LTBP2: variants seen among roughly 807,000 people sequenced by gnomAD.
LTBP2 encodes latent-transforming growth factor beta-binding protein 2.
Under a neutral mutation model 210.6 loss-of-function variants are expected in LTBP2, and 103 were observed. That is an observed-to-expected ratio of 0.49 (90% CI 0.42 to 0.58). The LOEUF (loss-of-function observed/expected upper bound fraction) is 0.58. Ranked by LOEUF, LTBP2 falls within the 20% of genes least tolerant of loss-of-function variation. The pLI, the probability that LTBP2 is intolerant of heterozygous loss-of-function variation, is 0.00. For synonymous variants in LTBP2, 1,007 were observed against 1,015.0 expected (o/e 0.99, Z 0.15); for missense variants, 2,313 against 2,494.5 (o/e 0.93, Z 1.55).
chr14:74,508,204 G>T, intron 24 of LTBP2, 109 bp from the exon 25 acceptor site: 1 of 1,383,608 alleles, frequency 7.2e-7, no homozygotes. Context: ...TCAGGGAGTG[G>T]CTTATGTAGG....
At chr14:74,563,703 AC>A (rs773836039) in intron 3 of LTBP2, among the ~76,000 whole-genome samples, 2 of 152,012 alleles carry the variant, frequency 1.3e-5, no homozygotes, top group Non-Finnish European at 2.9e-5. Context: ...ATAAAGTTTA[AC>A]TGGAACACAG....
rs2086948611 is a variant in LTBP2 at position 74,503,911 on chromosome 14, CAT to C, written c.4582+13_4582+14del. On this transcript the variant is annotated intron_variant, in intron 31 of 35. Transcript: ENST00000261978. ...GTGGGCCTGGGGTGGGGGCAGGGAT[CAT>C]GTGTGTCCTTACCCTCACACTTCTT... 6.2e-7 allele frequency: 1 copy of C among 1,613,794 alleles called. No individual in the cohort carries two copies. The highest frequency in any genetic ancestry group is 1.3e-5 in the African/African-American group (1 of 74,924).
intron 17 of LTBP2, among the ~76,000 whole-genome samples, chr14:74,519,294 C>T (rs2087173035): frequency 6.6e-6 from 1 of 152,170 alleles, no homozygotes; most frequent in African/African-American, 2.4e-5. Flanking sequence ...AATTTCTAAA[C>T]CCGGCCAAGA....
chr14:74,503,913 T>C lies in LTBP2; in HGVS notation c.4582+13A>G, dbSNP rs751859622. On this transcript the variant is annotated intron_variant, in intron 31 of 35. Transcript: ENST00000261978. ...GGGCCTGGGGTGGGGGCAGGGATCA[T>C]GTGTGTCCTTACCCTCACACTTCTT... is the stretch of plus-strand genomic sequence containing the variant. 13 of 1,613,936 alleles carry C rather than the reference T, an allele frequency of 8.1e-6. No individual in the cohort carries two copies. The South Asian group carries it at 1.2e-4, about 15-fold the overall frequency.
At chr14:74,535,518 C>T (rs2087409606) in intron 9 of LTBP2, among the ~76,000 whole-genome samples, 1 of 152,186 alleles carries the variant, frequency 6.6e-6, no homozygotes, top group Non-Finnish European at 1.5e-5. Flanking sequence ...TGGGAAAAGC[C>T]CACAGAGGCC....
chr14:74,511,153 C>T, intron 19 of LTBP2, 92 bp downstream of exon 19: 3 of 1,597,780 alleles, frequency 1.9e-6, no homozygotes, highest in Non-Finnish European at 2.6e-6. Flanking sequence ...AGCCACCTCC[C>T]TCTGCCCACC....
chr14:74,550,711 C>T (rs2087641021), intron 7 of LTBP2, among the ~76,000 whole-genome samples: 2 of 152,204 alleles, frequency 1.3e-5, no homozygotes, highest in African/African-American at 4.8e-5. Context: ...ATAAAAAACT[C>T]CTGGCCAGAT....
intron 20 of LTBP2, 102 bp from the exon 21 acceptor site, chr14:74,509,961 T>C: frequency 1.2e-6 from 2 of 1,609,350 alleles, no homozygotes. Context: ...TGGGCAGGGA[T>C]GTGTTGGGTC....
At chr14:74,525,969 G>T in intron 14 of LTBP2, 106 bp downstream of exon 14, 2 of 1,168,734 alleles carry the variant, frequency 1.7e-6, no homozygotes, top group Non-Finnish European at 2.5e-6. Context: ...CTCCTCTGAT[G>T]TGTGTGTGAG....
At position 74,611,821 on chromosome 14, in the gene LTBP2, TC is replaced by T; in HGVS notation, c.123del (p.Arg42AspfsTer238). 1 of 1,611,608 alleles carries T rather than the reference TC, an allele frequency of 6.2e-7. No homozygotes were observed. The highest frequency in any genetic ancestry group is 8.5e-7 in the Non-Finnish European group (1 of 1,179,602). ...GAGHAQRDPV[G>X]RYEPAGGDAN... ...GCGTCTCCACCAGCCGGCTCGTATCTCCCTACGGGGTCCCTTTGGGCATGAC... is the reference window on the plus strand; with the variant it reads ...GCGTCTCCACCAGCCGGCTCGTATCTCCTACGGGGTCCCTTTGGGCATGAC... On this transcript the variant is annotated frameshift_variant, in exon 1 of 36. Transcript: ENST00000261978. LOFTEE classifies it high-confidence loss of function.
At chr14:74,526,226 G>A (rs1309440383) in intron 13 of LTBP2, 112 bp from the exon 14 acceptor site, 3 of 1,048,982 alleles carry the variant, frequency 2.9e-6, no homozygotes, top group South Asian at 2.7e-5. Context: ...GCTCATTCAT[G>A]TTTTCATTCA....
At chr14:74,511,469 T>C (rs2139698573) in intron 18 of LTBP2, 105 bp from the exon 19 acceptor site, 1 of 1,416,396 alleles carries the variant, frequency 7.1e-7, no homozygotes, top group Non-Finnish European at 1.0e-6. Context: ...GGGAGAGGGA[T>C]GGACAGAGGG....
chr14:74,522,836 G>A lies in LTBP2; in HGVS notation c.2613C>T (p.Val871=). 1 of 1,612,504 alleles carries A rather than the reference G, an allele frequency of 6.2e-7. No individual in the cohort carries two copies. The highest frequency in any genetic ancestry group is 8.5e-7 in the Non-Finnish European group (1 of 1,179,456). Residue 871 remains valine (V), a synonymous_variant, in exon 16 of 36, where the codon GTC becomes GTT. Coordinates refer to ENST00000261978, the MANE Select transcript of LTBP2 (RefSeq NM_000428.3). The stretch of plus-strand genomic sequence containing the variant: ...GGTGCAGCTGGTAGCCAGGGCTGCA[G>A]ACACATCTGTATCCATCGGGGAGGT... The part of the protein sequence containing the change: ...CVNLPDGYRC[V]CSPGYQLHPS...
chr14:74,538,280 A>C (rs895177133), intron 8 of LTBP2, among the ~76,000 whole-genome samples: 2 of 152,120 alleles, frequency 1.3e-5, no homozygotes, highest in Non-Finnish European at 2.9e-5. Context: ...TCTGTATTTC[A>C]TATAGTCTTC....
At chr14:74,576,211 G>T (rs2139777651) in intron 3 of LTBP2, among the ~76,000 whole-genome samples, 1 of 152,354 alleles carries the variant, frequency 6.6e-6, no homozygotes, top group Non-Finnish European at 1.5e-5. Context: ...CTAGGGGATG[G>T]CCCGAGCATC....
intron 18 of LTBP2, among the ~76,000 whole-genome samples, chr14:74,514,691 C>A (rs552096306): frequency 6.6e-6 from 1 of 152,138 alleles, no homozygotes; most frequent in Non-Finnish European, 1.5e-5. Context: ...AGTCCCGGTA[C>A]GACGGAAATG....
intron 5 of LTBP2, 51 bp downstream of exon 5, chr14:74,552,841 A>G (rs1303467734): frequency 1.3e-6 from 2 of 1,582,100 alleles, no homozygotes; most frequent in South Asian, 1.2e-5. Flanking sequence ...CTCTCTGGCC[A>G]TCTACCCTCC....
chr14:74,594,325 G>A (rs2139797338), intron 2 of LTBP2, among the ~76,000 whole-genome samples: 1 of 152,256 alleles, frequency 6.6e-6, no homozygotes, highest in South Asian at 2.1e-4. Context: ...ACTTCAGGGT[G>A]GGCCCCTTTA....
At chr14:74,509,496 G>C in intron 21 of LTBP2, 133 bp from the exon 22 acceptor site, 1 of 1,346,250 alleles carries the variant, frequency 7.4e-7, no homozygotes, top group Non-Finnish European at 1.0e-6. Context: ...ACGCTCCCAG[G>C]ACAGCCCTGC....
Sources: gnomAD v4.1 joint callset for allele counts (sites outside exome capture counted in the v4.1 genomes callset) on GRCh38, gnomAD v4.1.1 for gene constraint, MANE v1.5 for transcripts, NCBI Gene and HGNC (gene_info 2026-07-23, HGNC 2026-07-21) for gene names.